The following RASAL1 variants were observed in gnomAD, a reference collection of about 807,000 sequenced individuals.
RASAL1 encodes RAS protein activator like 1.
Under a neutral mutation model 96.6 loss-of-function variants are expected in RASAL1, and 72 were observed. The ratio of observed to expected loss-of-function variants is 0.75; its 90% CI spans 0.62 to 0.91. The LOEUF (loss-of-function observed/expected upper bound fraction) is 0.91, where lower values mean the gene tolerates loss of function less well. Among genes scored for constraint, RASAL1 ranks in the 40% least tolerant of loss-of-function variants. The pLI is 0.00. For synonymous variants in RASAL1, 405 were observed against 430.4 expected, an observed-to-expected ratio of 0.94 and a Z score of 0.73; for missense variants, 1,016 against 1,072.5, an observed-to-expected ratio of 0.95 and a Z score of 0.74.
At chr12:113,107,509 G>A (rs1950691624) in intron 14 of RASAL1, 2 of 568,636 alleles carry the variant, frequency 3.5e-6, no homozygotes, top group South Asian at 3.1e-5. Flanking sequence ...TGTAAATCCA[G>A]CTACTCCAGA....
chr12:113,099,847 G>T lies in RASAL1; in HGVS notation c.*82C>A. ...CCACAGAATCAAAGAGGTCCAAGGA[G>T]ACAGGAGACTCCCGGGGCAGGATGC... is the stretch of plus-strand genomic sequence containing the variant. On this transcript the variant is annotated 3_prime_UTR_variant, in exon 21 of 21. Transcript: ENST00000548055. The T allele has an allele frequency of 2.0e-6, 3 of 1,524,870 alleles. No homozygotes were observed. The highest frequency in any genetic ancestry group is 1.8e-6 in the Non-Finnish European group (2 of 1,130,402). The allele number at this position is 1,524,870 out of a possible 1,614,324, so 94.5% of individuals were successfully genotyped here.
At chr12:113,127,675 AAAAGT>A in intron 4 of RASAL1, 132 bp downstream of exon 4, 1 of 755,966 alleles carries the variant, frequency 1.3e-6, no homozygotes, top group Non-Finnish European at 2.1e-6. Context: ...AAAGCAAACA[AAAAGT>A]AAAGACAAAA....
intron 13 of RASAL1, among the ~76,000 whole-genome samples, chr12:113,111,720 A>G (rs1268244204): frequency 6.6e-6 from 1 of 152,034 alleles, no homozygotes; most frequent in Non-Finnish European, 1.5e-5. Flanking sequence ...CAGCCTCCGG[A>G]GTAGCTGGGA....
Position 113,135,040 on chromosome 12 carries a change from GC to G in RASAL1, c.65+357del, listed in dbSNP as rs1038638519. Among the ~76,000 whole-genome samples the G allele has an allele frequency of 8.6e-5, 13 of 151,696 alleles. No homozygotes were observed. Among genetic ancestry groups the G allele is most frequent in the African/African-American group, 3.2e-4 (13 of 41,268 alleles). The stretch of plus-strand genomic sequence containing the variant: ...CCTGGAGGAGCCACCTCCAACATCT[GC>G]CTGGACTAAGGAAGAGACCCCCCGC... On this transcript the variant is annotated intron_variant, in intron 1 of 20. Coordinates refer to ENST00000548055, the MANE Select transcript of RASAL1 (RefSeq NM_001301202.2). The surrounding 1 kb of genome is among the most constrained non-coding windows in gnomAD (Gnocchi z 5.7).
Position 113,117,159 on chromosome 12 carries a change from C to T in RASAL1, c.645G>A (p.Val215=), listed in dbSNP as rs1434866395. Residue 215 remains valine (V), a splice_region_variant and synonymous_variant, in exon 8 of 21, where the codon GTG becomes GTA. Coordinates refer to ENST00000548055, the MANE Select transcript of RASAL1 (RefSeq NM_001301202.2). ...MVGKNDFLGM[V]EFSPKTLQQK... is the part of the protein sequence containing the mutation. Reference sequence around the variant, plus strand: ...GCTGGAGGGTCTTTGGAGAGAACTCCACCTTTTGAGAGAGACACACAGACC... The same window carrying T: ...GCTGGAGGGTCTTTGGAGAGAACTCTACCTTTTGAGAGAGACACACAGACC... 1.9e-6 allele frequency: 3 copies of T among 1,594,138 alleles called. No individual in the cohort carries two copies. The highest frequency in any genetic ancestry group is 8.6e-7 in the Non-Finnish European group (1 of 1,164,770).
intron 1 of RASAL1, among the ~76,000 whole-genome samples, chr12:113,133,903 C>T (rs1349494741): frequency 6.6e-6 from 1 of 152,218 alleles, no homozygotes; most frequent in Non-Finnish European, 1.5e-5. Flanking sequence ...GTCCCTTCTC[C>T]AGAAGAGCAG....
In RASAL1 at chr12:113,107,176, G is replaced by T. The variant is rs1950677742; in HGVS notation, c.1578C>A (p.Pro526=). 1.2e-6 allele frequency: 2 copies of T among 1,613,830 alleles called. No individual in the cohort carries two copies. The highest frequency in any genetic ancestry group is 1.1e-5 in the South Asian group (1 of 91,026). ...LGQGKELWMA[P]LHPFLLQCVS... ...CACACTGCAGCAGGAAGGGGTGCAGGGGGGCCATCCACAGTTCCTTGCCTT... is the reference window on the plus strand; with the variant it reads ...CACACTGCAGCAGGAAGGGGTGCAGTGGGGCCATCCACAGTTCCTTGCCTT... Residue 526 remains proline, a synonymous_variant, in exon 15 of 21, where the codon CCC becomes CCA. Transcript: ENST00000548055.
intron 4 of RASAL1, among the ~76,000 whole-genome samples, chr12:113,126,182 G>A (rs113040486): frequency 0.026 from 3,893 of 152,198 alleles, 173 homozygotes; most frequent in African/African-American, 0.088. Flanking sequence ...TTACTCAGGA[G>A]GCCAAGGCAG....
At position 113,105,865 on chromosome 12, in the gene RASAL1, G is replaced by A. The variant is rs1411049410; in HGVS notation, c.1679C>T (p.Ala560Val). ...GDEEAGVPAR[A>V]LFPPSAIVRE... ...AACAATGGCCGAGGGCGGGAACAGG[G>A]CCCTGGCTGGGACACCAGCTTCTAG... is the stretch of plus-strand genomic sequence containing the variant. The change falls in exon 16 of 21, where the codon GCC (alanine) becomes GTC (valine). Residue 560 changes from alanine (A) to valine (V), a missense_variant. By Grantham distance (64) the Ala-to-Val change is moderately conservative (BLOSUM62 0). Coordinates refer to ENST00000548055, the MANE Select transcript of RASAL1 (RefSeq NM_001301202.2). 6.2e-7 allele frequency: 1 copy of A among 1,613,698 alleles called. No individual in the cohort carries two copies. The highest frequency in any genetic ancestry group is 8.5e-7 in the Non-Finnish European group (1 of 1,179,880).
chr12:113,121,525 G>T lies in RASAL1; in HGVS notation c.412C>A (p.His138Asn). Residue 138 changes from histidine to asparagine, a missense_variant, in exon 5 of 21, where the codon CAT (histidine) becomes AAT (asparagine). Coordinates refer to ENST00000548055, the MANE Select transcript of RASAL1 (RefSeq NM_001301202.2). ...EDGQGRCLRC[H>N]VLQARDLAPR... ...TAAGCATACCTGGCCTGAAGCACAT[G>T]GCAGCGAAGGCAGCGGCCCTGCCCA... 1.2e-6 allele frequency: 2 copies of T among 1,614,148 alleles called. No individual in the cohort carries two copies. The highest frequency in any genetic ancestry group is 1.7e-6 in the Non-Finnish European group (2 of 1,180,028).
rs138927914 is a variant in RASAL1, at chr12:113,109,756, G to T, written c.1375-1534C>A. 1.6e-4 allele frequency among the ~76,000 whole-genome samples: 24 copies of T among 152,278 alleles called. No homozygotes were observed. The East Asian group carries it at 4.1e-3, about 26-fold the overall frequency. Reference sequence around the variant, plus strand: ...GCTGGGTACCTAGAACTGCCCAGAGGGAGCATCTTCCCCTCCATCTGGAGC... The same window carrying T: ...GCTGGGTACCTAGAACTGCCCAGAGTGAGCATCTTCCCCTCCATCTGGAGC... On this transcript the variant is annotated intron_variant, in intron 13 of 20. Transcript: ENST00000548055.
chr12:113,121,524 TGGCAGCGAA>T lies in RASAL1; in HGVS notation c.404_412del (p.Leu135_Cys137del), dbSNP rs1391855318. 1 of 1,614,048 alleles carries T rather than the reference TGGCAGCGAA, an allele frequency of 6.2e-7. No homozygotes were observed. The highest frequency in any genetic ancestry group is 8.5e-7 in the Non-Finnish European group (1 of 1,180,036). ...TTAAGCATACCTGGCCTGAAGCACATGGCAGCGAAGGCAGCGGCCCTGCCCATCCTCCAG... is the reference window on the plus strand; with the variant it reads ...TTAAGCATACCTGGCCTGAAGCACATGGCAGCGGCCCTGCCCATCCTCCAG... On this transcript the variant is annotated inframe_deletion, in exon 5 of 21. Transcript: ENST00000548055.
In RASAL1 at chr12:113,102,965, G is replaced by A. The variant is rs1018137785; in HGVS notation, c.2105-956C>T. The A allele has an allele frequency of 2.2e-5, 4 of 179,178 alleles. No individual in the cohort carries two copies. The East Asian group carries it at 7.1e-4, about 32-fold the overall frequency. 11.1% of individuals were successfully genotyped at this position (179,178 alleles called of 1,614,324 possible). A position where few individuals can be genotyped will look rare whatever the true frequency, so the allele number is the denominator to read the frequency against. On this transcript the variant is annotated intron_variant, in intron 18 of 20. Transcript: ENST00000548055. ...ATCTCCCAGTTCTGTCTCCAATGCCGCTGCTTAACTTCTGCTCTACTCAGG... is the reference window on the plus strand; with the variant it reads ...ATCTCCCAGTTCTGTCTCCAATGCCACTGCTTAACTTCTGCTCTACTCAGG...
rs1411942223 is a variant in RASAL1, at chr12:113,115,843, T to C, written c.850-55A>G. 1.9e-6 allele frequency: 3 copies of C among 1,602,802 alleles called. No homozygotes were observed. Among genetic ancestry groups the C allele is most frequent in the Non-Finnish European group, 2.6e-6 (3 of 1,172,652 alleles). Reference sequence around the variant, plus strand: ...TCGGCCCCTGGGACCCCAAAGCAGATGGGCCTAGATAGGGCTCCGTGAGGC... The same window carrying C: ...TCGGCCCCTGGGACCCCAAAGCAGACGGGCCTAGATAGGGCTCCGTGAGGC... On this transcript the variant is annotated intron_variant, in intron 9 of 20. Transcript: ENST00000548055. This position sits in a 1 kb window ranked among gnomAD's most constrained non-coding sequence, Gnocchi z 4.1.
intron 2 of RASAL1, 86 bp from the exon 3 acceptor site, chr12:113,128,264 A>T: frequency 1.3e-6 from 1 of 743,986 alleles, no homozygotes; most frequent in Non-Finnish European, 2.3e-6. Context: ...ACACACACAC[A>T]CACACACACA....
At chr12:113,118,119 G>C (rs1951157946) in intron 7 of RASAL1, among the ~76,000 whole-genome samples, 1 of 152,158 alleles carries the variant, frequency 6.6e-6, no homozygotes, top group Admixed American at 6.5e-5. Flanking sequence ...AGCTACTTGG[G>C]AGACTGAGGC....
At chr12:113,122,146 G>A (rs1220482027) in intron 4 of RASAL1, among the ~76,000 whole-genome samples, 1 of 152,204 alleles carries the variant, frequency 6.6e-6, no homozygotes, top group African/African-American at 2.4e-5. Flanking sequence ...CTCACAGCTA[G>A]CAAATGGCAG....
At position 113,102,032 on chromosome 12, in the gene RASAL1, A is replaced by C. The variant is rs1178470007; in HGVS notation, c.2105-23T>G. The C allele has an allele frequency of 1.2e-6, 2 of 1,607,900 alleles. No individual in the cohort carries two copies. Among genetic ancestry groups the C allele is most frequent in the East Asian group, 2.2e-5 (1 of 44,812 alleles). ...CGGCTGAGGGAACACAGCTTCATTCATCAGTAACTCCCTCTCCCCTTCCAG... is the reference window on the plus strand; with the variant it reads ...CGGCTGAGGGAACACAGCTTCATTCCTCAGTAACTCCCTCTCCCCTTCCAG... On this transcript the variant is annotated intron_variant, in intron 18 of 20. Transcript: ENST00000548055.
rs556572995 is a variant in RASAL1, at chr12:113,127,579, G to T, written c.298+233C>A. Among the ~76,000 whole-genome samples the T allele has an allele frequency of 3.3e-5, 5 of 152,286 alleles. No individual in the cohort carries two copies. The South Asian group carries it at 1.0e-3, about 32-fold the overall frequency. ...ATGGGAGGATCGCTTGAGCCCAGAG[G>T]TTCAAGATTGCAGTGAGCTATGATA... On this transcript the variant is annotated intron_variant, in intron 4 of 20. Coordinates refer to ENST00000548055, the MANE Select transcript of RASAL1 (RefSeq NM_001301202.2).
Sources: gnomAD v4.1 joint callset for allele counts (sites outside exome capture counted in the v4.1 genomes callset) on GRCh38, gnomAD v4.1.1 for gene constraint, Gnocchi (gnomAD v3.1) non-coding constraint, MANE v1.5 for transcripts, NCBI Gene and HGNC (gene_info 2026-07-23, HGNC 2026-07-21) for gene names.